PHLDB2: variants seen among roughly 807,000 people sequenced by gnomAD.
PHLDB2 encodes pleckstrin homology like domain family B member 2.
In PHLDB2, 71 loss-of-function variants were observed where a neutral mutation model predicts 123.6. The observed-to-expected ratio is 0.57, with a 90% CI of 0.47 to 0.70. The LOEUF is 0.70. PHLDB2 is among the 30% of genes least tolerant of loss of function. PHLDB2 has a pLI of 0.00. For synonymous variants in PHLDB2, 547 were observed against 541.6 expected, an observed-to-expected ratio of 1.01 and a Z score of -0.14; for missense variants, 1,446 against 1,519.5, an observed-to-expected ratio of 0.95 and a Z score of 0.80.
At chr3:111,874,598 T>C (rs2065511313) in intron 1 of PHLDB2, among the ~76,000 whole-genome samples, 2 of 152,086 alleles carry the variant, frequency 1.3e-5, no homozygotes, top group African/African-American at 4.8e-5. Flanking sequence ...GGGTGGGAAA[T>C]GGTGACTGCT....
Position 111,870,487 on chromosome 3 carries a change from T to G in PHLDB2, c.-15+10911T>G, listed in dbSNP as rs144202441. On this transcript the variant is annotated intron_variant, in intron 1 of 17. Coordinates refer to ENST00000431670, the MANE Select transcript of PHLDB2 (RefSeq NM_001134438.2). Reference sequence around the variant, plus strand: ...CTTTTTGACTTTTGAAATGAGAATATTGCTAGGAAGTGGTTGTTTCTGGAG... The same window carrying G: ...CTTTTTGACTTTTGAAATGAGAATAGTGCTAGGAAGTGGTTGTTTCTGGAG... Among the ~76,000 whole-genome samples, 1,395 of 152,208 alleles carry G rather than the reference T, an allele frequency of 9.2e-3. 14 individuals are homozygous for G. Among genetic ancestry groups the G allele is most frequent in the Non-Finnish European group, 0.014 (965 of 68,000 alleles).
chr3:111,913,469 G>T lies in PHLDB2; in HGVS notation c.1486G>T (p.Glu496Ter), dbSNP rs2068002646. Reference sequence around the variant, plus strand: ...GCTCTCTGATGAGGAGTCTGTGTTTGAGGAAGCCCTCATGAGCCCTGACAC... The same window carrying T: ...GCTCTCTGATGAGGAGTCTGTGTTTTAGGAAGCCCTCATGAGCCCTGACAC... ...LQLSDEESVFEEALMSPDTRY... is the reference protein window; with the variant it reads ...LQLSDEESVF Residue 496 changes from glutamate to a stop codon, truncating the protein, a stop_gained, in exon 3 of 18, where the codon GAG becomes TAG. Coordinates refer to ENST00000431670, the MANE Select transcript of PHLDB2 (RefSeq NM_001134438.2). LOFTEE classifies it high-confidence loss of function. 6.2e-7 allele frequency: 1 copy of T among 1,614,004 alleles called. No homozygotes were observed. Among genetic ancestry groups the T allele is most frequent in the Non-Finnish European group, 8.5e-7 (1 of 1,180,032 alleles).
chr3:111,898,717 A>G (rs972543117), intron 2 of PHLDB2, among the ~76,000 whole-genome samples: 3 of 152,214 alleles, frequency 2.0e-5, no homozygotes, highest in African/African-American at 7.2e-5. Context: ...CACCTTTACC[A>G]GGAGTAGTTT....
At chr3:111,962,080 A>G (rs1469575858) in intron 12 of PHLDB2, 28 bp from the exon 13 acceptor site, 1 of 1,572,906 alleles carries the variant, frequency 6.4e-7, no homozygotes, top group African/African-American at 1.4e-5. Context: ...AATGAGGCAA[A>G]CTAACATATT....
chr3:111,966,535 T>G, intron 13 of PHLDB2, 78 bp from the exon 14 acceptor site: 1 of 828,400 alleles, frequency 1.2e-6, no homozygotes, highest in African/African-American at 1.8e-5. Flanking sequence ...GGGGTGTGTG[T>G]GTGTGTGTGT....
intron 9 of PHLDB2, among the ~76,000 whole-genome samples, chr3:111,947,698 C>A (rs1559917204): frequency 6.6e-6 from 1 of 152,100 alleles, no homozygotes; most frequent in South Asian, 2.1e-4. Flanking sequence ...ATGAACTTGA[C>A]CTAGTTGACT....
chr3:111,769,026 C>T (rs1318114742), intron 1 of PHLDB2, among the ~76,000 whole-genome samples: 1 of 152,196 alleles, frequency 6.6e-6, no homozygotes, highest in Non-Finnish European at 1.5e-5. Context: ...TCCCTTTCAC[C>T]TCTGACCCAT....
At chr3:111,797,346 C>T (rs192745982) in intron 1 of PHLDB2, among the ~76,000 whole-genome samples, 3 of 150,606 alleles carry the variant, frequency 2.0e-5, no homozygotes, top group African/African-American at 7.5e-5. Context: ...TCTATTTAGG[C>T]AGACACACAC....
At chr3:111,882,073 A>G (rs2065958508) in intron 1 of PHLDB2, among the ~76,000 whole-genome samples, 2 of 152,206 alleles carry the variant, frequency 1.3e-5, no homozygotes, top group Non-Finnish European at 2.9e-5. Context: ...TGTACTTTTT[A>G]TGCTATAAAA....
At chr3:111,873,714 G>T (rs1295248094) in intron 1 of PHLDB2, among the ~76,000 whole-genome samples, 2 of 152,102 alleles carry the variant, frequency 1.3e-5, no homozygotes, top group Admixed American at 1.3e-4. Flanking sequence ...TTCCCATTTT[G>T]TATATATTTC....
chr3:111,943,072 A>G (rs184968892), intron 8 of PHLDB2, among the ~76,000 whole-genome samples: 8 of 152,254 alleles, frequency 5.3e-5, no homozygotes, highest in African/African-American at 1.7e-4. Context: ...GAAAATGCAA[A>G]GAGCCTAGAA....
upstream of PHLDB2, among the ~76,000 whole-genome samples, chr3:111,855,629 CT>C (rs11368889): frequency 7.8e-3 from 622 of 79,792 alleles, no homozygotes; most frequent in African/African-American, 0.022. Flanking sequence ...CTGCATTTGT[CT>C]TTTTTTTTTT....
At chr3:111,824,759 C>T (rs2062571912) in intron 1 of PHLDB2, among the ~76,000 whole-genome samples, 1 of 152,198 alleles carries the variant, frequency 6.6e-6, no homozygotes, top group Non-Finnish European at 1.5e-5. Context: ...TTCAACATGG[C>T]TTAAGCTAAT....
chr3:111,847,283 T>C (rs1161359033), intron 2 of PHLDB2, among the ~76,000 whole-genome samples: 1 of 152,218 alleles, frequency 6.6e-6, no homozygotes, highest in East Asian at 1.9e-4. Flanking sequence ...AAATATTTAA[T>C]AGTGTCTGTC....
At chr3:111,970,094 T>G (rs951428672) in intron 16 of PHLDB2, among the ~76,000 whole-genome samples, 185 bp downstream of exon 16, 2 of 152,164 alleles carry the variant, frequency 1.3e-5, no homozygotes, top group African/African-American at 2.4e-5. Flanking sequence ...TGAATTTCCT[T>G]TCTAGAAATA....
chr3:111,885,695 G>A (rs1007661191), intron 2 of PHLDB2: 3 of 616,002 alleles, frequency 4.9e-6, no homozygotes, highest in South Asian at 2.0e-5. Context: ...GAGGAGTTGG[G>A]AATTTTATGA....
chr3:111,807,234 T>G (rs1235920337), intron 1 of PHLDB2, among the ~76,000 whole-genome samples: 1 of 152,020 alleles, frequency 6.6e-6, no homozygotes, highest in Non-Finnish European at 1.5e-5. Context: ...GAGGAATAAA[T>G]TAAGTGTACA....
intron 12 of PHLDB2, among the ~76,000 whole-genome samples, chr3:111,959,675 C>T (rs1419721328): frequency 6.6e-6 from 1 of 152,200 alleles, no homozygotes; most frequent in African/African-American, 2.4e-5. Context: ...AGTTTACTAT[C>T]TCCTTCACCT....
chr3:111,918,543 G>A (rs1242952666), intron 3 of PHLDB2, among the ~76,000 whole-genome samples: 2 of 152,194 alleles, frequency 1.3e-5, no homozygotes, highest in African/African-American at 4.8e-5. Context: ...AAATACATAA[G>A]CATGAATGCT....
Sources: allele counts gnomAD v4.1 joint callset (sites outside exome capture counted in the v4.1 genomes callset), GRCh38; gene constraint gnomAD v4.1.1; transcripts MANE v1.5; gene names NCBI Gene and HGNC (gene_info 2026-07-23, HGNC 2026-07-21).